Variants in RPS6KA5 observed in about 807,000 individuals in gnomAD.
The protein encoded by RPS6KA5 is ribosomal protein S6 kinase A5.
In RPS6KA5, 27 loss-of-function variants were observed where a neutral mutation model predicts 85.5. That is an observed-to-expected ratio of 0.32 (90% CI 0.23 to 0.44). The LOEUF (loss-of-function observed/expected upper bound fraction) is 0.44. Ranked by LOEUF, RPS6KA5 falls within the 20% of genes least tolerant of loss-of-function variation. The pLI is 1.00. For synonymous variants in RPS6KA5, 334 were observed against 348.2 expected (o/e 0.96, Z 0.46); for missense variants, 811 against 980.9 (o/e 0.83, Z 2.31).
rs199625173 is a variant in RPS6KA5 at position 91,035,847 on chromosome 14, CAAAAAAA to C, written c.103+24478_103+24484del. 3.6e-3 allele frequency among the ~76,000 whole-genome samples: 253 copies of C among 69,564 alleles called. 2 individuals carry two copies. Among genetic ancestry groups the C allele is most frequent in the African/African-American group, 0.012 (177 of 14,614 alleles). 45.6% of individuals were successfully genotyped at this position (69,564 alleles called of 152,430 possible). ...TTTCAGCTGATGAAACCCTCACCTT[CAAAAAAA>C]AAAAAAAAAAAAAAAAAAAAAAAAA... On this transcript the variant is annotated intron_variant, in intron 1 of 16. Coordinates refer to ENST00000614987, the MANE Select transcript of RPS6KA5 (RefSeq NM_004755.4).
At chr14:90,958,477 T>A (rs2038639393) in intron 3 of RPS6KA5, among the ~76,000 whole-genome samples, 1 of 152,226 alleles carries the variant, frequency 6.6e-6, no homozygotes, top group African/African-American at 2.4e-5. Context: ...AATATTTTTA[T>A]CTTTAGAAAG....
At chr14:91,002,338 G>A (rs939514440) in intron 1 of RPS6KA5, among the ~76,000 whole-genome samples, 2 of 152,128 alleles carry the variant, frequency 1.3e-5, no homozygotes, top group Non-Finnish European at 2.9e-5. Context: ...AATTTAGGTA[G>A]TGAGTATAAG....
intron 13 of RPS6KA5, among the ~76,000 whole-genome samples, chr14:90,891,697 T>C (rs914598996): frequency 2.6e-5 from 4 of 152,188 alleles, no homozygotes; most frequent in Non-Finnish European, 5.9e-5. Flanking sequence ...CATCTGAAAG[T>C]CAATAAAGTG....
chr14:91,027,601 T>A (rs1355813194), intron 1 of RPS6KA5, among the ~76,000 whole-genome samples: 1 of 152,226 alleles, frequency 6.6e-6, no homozygotes, highest in Non-Finnish European at 1.5e-5. Context: ...TACAGTAACA[T>A]ATTAGCCCAA....
chr14:90,870,783 T>C lies in RPS6KA5; in HGVS notation c.*1291A>G, dbSNP rs1007685295. 6.9e-6 allele frequency: 1 copy of C among 145,352 alleles called. No homozygotes were observed. The highest frequency in any genetic ancestry group is 1.5e-5 in the Non-Finnish European group (1 of 66,390). 9.0% of individuals were successfully genotyped at this position (145,352 alleles called of 1,614,324 possible). Reference sequence around the variant, plus strand: ...CACATGATGGCTTTAAAAGAAAATATAACACACAAACCCTATCACTTCTTT... The same window carrying C: ...CACATGATGGCTTTAAAAGAAAATACAACACACAAACCCTATCACTTCTTT... On this transcript the variant is annotated 3_prime_UTR_variant, in exon 17 of 17. Coordinates refer to ENST00000614987, the MANE Select transcript of RPS6KA5 (RefSeq NM_004755.4).
Position 90,853,495 on chromosome 14 carries a change from C to A in RPS6KA5, c.*18579G>T, listed in dbSNP as rs981978338. The stretch of plus-strand genomic sequence containing the variant: ...TAAGTAACAACAATAAAAAAAAAAC[C>A]CAAAAACAAAACAAAGCATCAATGG... On this transcript the variant is annotated 3_prime_UTR_variant, in exon 17 of 17. Transcript: ENST00000614987. The A allele has an allele frequency of 1.8e-4, 22 of 124,434 alleles. No individual in the cohort carries two copies. Among genetic ancestry groups the A allele is most frequent in the Middle Eastern group, 3.6e-3 (1 of 276 alleles). 7.7% of individuals were successfully genotyped at this position (124,434 alleles called of 1,614,324 possible). A position where few individuals can be genotyped will look rare whatever the true frequency, so the allele number is the denominator to read the frequency against.
chr14:90,961,027 G>A (rs181587559), intron 3 of RPS6KA5, among the ~76,000 whole-genome samples: 12 of 152,278 alleles, frequency 7.9e-5, no homozygotes, highest in Admixed American at 5.2e-4. Flanking sequence ...AAGTGGGAAA[G>A]GGCTCCCGAC....
chr14:91,054,575 TG>T, intron 1 of RPS6KA5, among the ~76,000 whole-genome samples: 1 of 150,406 alleles, frequency 6.6e-6, no homozygotes, highest in South Asian at 2.1e-4. Flanking sequence ...AGGCAGAGGT[TG>T]CAGTGAGGCA....
In RPS6KA5 at chr14:91,014,318, C is replaced by T. The variant is rs369112575; in HGVS notation, c.104-13159G>A. 9.9e-4 allele frequency among the ~76,000 whole-genome samples: 151 copies of T among 152,098 alleles called. 7 individuals are homozygous for T. In the South Asian group the frequency reaches 0.031, roughly 31 times the overall value. ...GAGGTCGAGACCATCCTAGCCAACACGGTGAAACCCTGGTCTCTATTTAAA... is the reference window on the plus strand; with the variant it reads ...GAGGTCGAGACCATCCTAGCCAACATGGTGAAACCCTGGTCTCTATTTAAA... On this transcript the variant is annotated intron_variant, in intron 1 of 16. Transcript: ENST00000614987.
Position 90,957,226 on chromosome 14 carries a change from G to A in RPS6KA5, c.395-9676C>T, listed in dbSNP as rs1214674688. Among the ~76,000 whole-genome samples the A allele has an allele frequency of 3.9e-5, 6 of 152,048 alleles. No individual in the cohort carries two copies. The East Asian group carries it at 7.7e-4, about 20-fold the overall frequency. On this transcript the variant is annotated intron_variant, in intron 3 of 16. Coordinates refer to ENST00000614987, the MANE Select transcript of RPS6KA5 (RefSeq NM_004755.4). ...ATTACAGGTGCACACCACCATGCCT[G>A]GGTAATTTTTGTATTTTTAGTAGAG...
intron 1 of RPS6KA5, among the ~76,000 whole-genome samples, chr14:91,047,124 T>G (rs751626840): frequency 4.6e-5 from 7 of 151,994 alleles, no homozygotes; most frequent in Non-Finnish European, 8.8e-5. Context: ...CCCTACTACT[T>G]ATGTTTATAT....
At chr14:90,998,643 G>T (rs1312672000) in intron 2 of RPS6KA5, among the ~76,000 whole-genome samples, 1 of 152,154 alleles carries the variant, frequency 6.6e-6, no homozygotes, top group Non-Finnish European at 1.5e-5. Context: ...GATTTCTTAG[G>T]AATACAGTGG....
intron 1 of RPS6KA5, among the ~76,000 whole-genome samples, chr14:91,015,032 T>C (rs1278521179): frequency 6.6e-6 from 1 of 152,256 alleles, no homozygotes; most frequent in African/African-American, 2.4e-5. Flanking sequence ...TTAATTCAAA[T>C]ACTTCATTTC....
chr14:90,991,528 C>G (rs1298751535), intron 2 of RPS6KA5, among the ~76,000 whole-genome samples: 1 of 151,712 alleles, frequency 6.6e-6, no homozygotes, highest in Admixed American at 6.6e-5. Flanking sequence ...ATGGTGAAAC[C>G]CTGTCTCTAC....
At chr14:91,004,574 G>A (rs2040928295) in intron 1 of RPS6KA5, among the ~76,000 whole-genome samples, 1 of 152,050 alleles carries the variant, frequency 6.6e-6, no homozygotes, top group Admixed American at 6.5e-5. Context: ...TTTTACTAAG[G>A]TCCAACTTAC....
intron 1 of RPS6KA5, among the ~76,000 whole-genome samples, chr14:91,052,782 A>G (rs1285994): frequency 0.74 from 109,745 of 148,736 alleles, 40,545 homozygotes; most frequent in East Asian, 0.87. Flanking sequence ...GGCAGTGAGC[A>G]GAGTTCGCGT....
chr14:90,864,468 A>C lies in RPS6KA5; in HGVS notation c.*7606T>G, dbSNP rs559621563. ...AAAGCTTTTAGAAGAATATAAGAAT[A>C]TCTTCATAACCTTGGTGTGAACATT... On this transcript the variant is annotated 3_prime_UTR_variant, in exon 17 of 17. Transcript: ENST00000614987. 3 of 152,310 alleles carry C rather than the reference A, an allele frequency of 2.0e-5. No individual in the cohort carries two copies. In the East Asian group the frequency reaches 5.8e-4, roughly 29 times the overall value. The allele number at this position is 152,310 out of a possible 1,614,324, so 9.4% of individuals were successfully genotyped here.
In RPS6KA5 at chr14:90,870,490, T is replaced by G. The variant is rs1049567385; in HGVS notation, c.*1584A>C. The G allele has an allele frequency of 6.6e-6, 1 of 152,154 alleles. No individual in the cohort carries two copies. Among genetic ancestry groups the G allele is most frequent in the African/African-American group, 2.4e-5 (1 of 41,450 alleles). The allele number at this position is 152,154 out of a possible 1,614,324, so 9.4% of individuals were successfully genotyped here. On this transcript the variant is annotated 3_prime_UTR_variant, in exon 17 of 17. Transcript: ENST00000614987. Reference sequence around the variant, plus strand: ...AAATATTTTAATATTTGCCATTTTTTGCCTGTGCTATTAATATATACATTG... The same window carrying G: ...AAATATTTTAATATTTGCCATTTTTGGCCTGTGCTATTAATATATACATTG...
chr14:91,046,621 G>C (rs1012977165), intron 1 of RPS6KA5, among the ~76,000 whole-genome samples: 1 of 152,150 alleles, frequency 6.6e-6, no homozygotes, highest in Non-Finnish European at 1.5e-5. Flanking sequence ...AGAGGACAGA[G>C]TGCTTCAGTT....
Sources: gnomAD v4.1 joint callset for allele counts (sites outside exome capture counted in the v4.1 genomes callset) on GRCh38, gnomAD v4.1.1 for gene constraint, MANE v1.5 for transcripts, NCBI Gene and HGNC (gene_info 2026-07-23, HGNC 2026-07-21) for gene names.